Variants in CAMK4 observed in about 807,000 individuals in gnomAD.
The protein encoded by CAMK4 is calcium/calmodulin-dependent protein kinase type IV.
In CAMK4, 22 loss-of-function variants were observed where a neutral mutation model predicts 44.9. That is an observed-to-expected ratio of 0.49 (90% CI 0.35 to 0.70). CAMK4 has a LOEUF of 0.70. Ranked by LOEUF, CAMK4 falls within the 30% of genes least tolerant of loss-of-function variation. CAMK4 has a pLI of 0.01. For missense variants in CAMK4, 498 were observed against 586.8 expected (o/e 0.85, Z 1.56); for synonymous variants, 218 against 215.4 (o/e 1.01, Z -0.11).
At chr5:111,274,532 C>A (rs1285320605) in intron 1 of CAMK4, among the ~76,000 whole-genome samples, 1 of 152,116 alleles carries the variant, frequency 6.6e-6, no homozygotes, top group East Asian at 1.9e-4. Flanking sequence ...TACACTATGA[C>A]AATGCCACAG....
At chr5:111,293,575 C>T (rs1286797533) in intron 1 of CAMK4, among the ~76,000 whole-genome samples, 1 of 151,322 alleles carries the variant, frequency 6.6e-6, no homozygotes, top group African/African-American at 2.4e-5. Flanking sequence ...TACAAGCACC[C>T]GCCACCACGT....
chr5:111,233,468 GT>G (rs142894521), intron 1 of CAMK4, among the ~76,000 whole-genome samples: 29,564 of 152,038 alleles, frequency 0.19, 3,651 homozygotes, highest in Non-Finnish European at 0.28. Context: ...TTCACATAAT[GT>G]TTGTGAAAAT....
intron 1 of CAMK4, among the ~76,000 whole-genome samples, chr5:111,324,178 T>G (rs904680020): frequency 2.0e-4 from 30 of 151,824 alleles, no homozygotes; most frequent in Non-Finnish European, 2.9e-5. Context: ...AATGAAACAA[T>G]TTTTTAAAAT....
At chr5:111,479,228 T>G (rs1755348365) in intron 9 of CAMK4, among the ~76,000 whole-genome samples, 1 of 152,186 alleles carries the variant, frequency 6.6e-6, no homozygotes, top group African/African-American at 2.4e-5. Flanking sequence ...TTCATCAAAT[T>G]TATTAAAATA....
At chr5:111,469,144 CAAAAAAAAAAAAAAAAA>C (rs1176120789) in intron 7 of CAMK4, among the ~76,000 whole-genome samples, 2 of 67,494 alleles carry the variant, frequency 3.0e-5, no homozygotes, top group African/African-American at 1.3e-4. Context: ...AACTCCATCT[CAAAAAAAAAAAAAAAAA>C]AAAAAAAAAA....
intron 1 of CAMK4, among the ~76,000 whole-genome samples, chr5:111,260,063 A>G (rs1345797815): frequency 2.0e-5 from 3 of 152,220 alleles, no homozygotes; most frequent in Non-Finnish European, 4.4e-5. Flanking sequence ...CATAAATAAT[A>G]GCCGAAAAGA....
rs372917281 is a variant in CAMK4, at chr5:111,238,656, C to T, written c.161+14012C>T. Among the ~76,000 whole-genome samples, 4 of 150,722 alleles carry T rather than the reference C, an allele frequency of 2.7e-5. No homozygotes were observed. In the East Asian group the frequency reaches 5.8e-4, roughly 22 times the overall value. ...CCCCCATTTGGCACCTGTCTGACGT[C>T]GCAGTTTGAGGAGTGATCTGCTCTT... On this transcript the variant is annotated intron_variant, in intron 1 of 10. Coordinates refer to ENST00000282356, the MANE Select transcript of CAMK4 (RefSeq NM_001744.6).
intron 2 of CAMK4, among the ~76,000 whole-genome samples, chr5:111,366,909 T>C (rs388944): frequency 0.91 from 138,110 of 151,734 alleles, 62,957 homozygotes; most frequent in East Asian, 1. Context: ...CATTAGAATA[T>C]TTAGGGCCGT....
intron 2 of CAMK4, among the ~76,000 whole-genome samples, chr5:111,373,484 G>A (rs1393151126): frequency 2.0e-5 from 3 of 152,022 alleles, no homozygotes; most frequent in Admixed American, 6.6e-5. Context: ...AAATTTTTTT[G>A]AGTATTCATT....
chr5:111,366,973 C>T (rs1750815971), intron 2 of CAMK4, among the ~76,000 whole-genome samples: 1 of 151,610 alleles, frequency 6.6e-6, no homozygotes, highest in Non-Finnish European at 1.5e-5. Context: ...GTGCCCAATC[C>T]ATTTGATGGC....
intron 1 of CAMK4, among the ~76,000 whole-genome samples, chr5:111,263,326 A>C (rs1750078934): frequency 1.3e-5 from 2 of 152,362 alleles, no homozygotes; most frequent in South Asian, 2.1e-4. Flanking sequence ...GGATGGAATG[A>C]GGAAAATGAA....
chr5:111,416,073 A>G (rs1752804323), intron 5 of CAMK4, among the ~76,000 whole-genome samples: 1 of 152,228 alleles, frequency 6.6e-6, no homozygotes, highest in East Asian at 1.9e-4. Context: ...AAAGGCATCT[A>G]CATGAATAGA....
At chr5:111,403,626 A>G (rs1752310350) in intron 5 of CAMK4, among the ~76,000 whole-genome samples, 1 of 152,180 alleles carries the variant, frequency 6.6e-6, no homozygotes, top group African/African-American at 2.4e-5. Context: ...ATTTTGATTT[A>G]TAGACATAGA....
chr5:111,284,039 A>G (rs1281851413), intron 1 of CAMK4, among the ~76,000 whole-genome samples: 1 of 152,228 alleles, frequency 6.6e-6, no homozygotes, highest in Non-Finnish European at 1.5e-5. Flanking sequence ...GTGAAACTTT[A>G]TTACGTAATT....
chr5:111,480,901 A>G (rs1755413495), intron 9 of CAMK4, among the ~76,000 whole-genome samples: 1 of 152,150 alleles, frequency 6.6e-6, no homozygotes, highest in South Asian at 2.1e-4. Context: ...TTGTTAGTTT[A>G]TCACTGCTTA....
chr5:111,341,187 G>A (rs968727066), intron 1 of CAMK4, among the ~76,000 whole-genome samples: 1 of 151,202 alleles, frequency 6.6e-6, no homozygotes, highest in Non-Finnish European at 1.5e-5. Context: ...CTTTCAAAGA[G>A]CAGACATTCT....
At position 111,484,609 on chromosome 5, in the gene CAMK4, T is replaced by A. The variant is rs111502718; in HGVS notation, c.*143T>A. The A allele has an allele frequency of 0.014, 6,496 of 452,960 alleles. 79 individuals carry two copies. The highest frequency in any genetic ancestry group is 0.021 in the Middle Eastern group (39 of 1,836). 28.1% of individuals were successfully genotyped at this position (452,960 alleles called of 1,614,324 possible). The stretch of plus-strand genomic sequence containing the variant: ...ACATACATATATACCAGTTGGTAAT[T>A]CTAACTTCAATGCATGTGACTGCTT... On this transcript the variant is annotated 3_prime_UTR_variant, in exon 11 of 11. Coordinates refer to ENST00000282356, the MANE Select transcript of CAMK4 (RefSeq NM_001744.6). This position sits in a 1 kb window ranked among gnomAD's most constrained non-coding sequence, Gnocchi z 5.3.
At chr5:111,245,214 A>G (rs1002874122) in intron 1 of CAMK4, among the ~76,000 whole-genome samples, 3 of 152,278 alleles carry the variant, frequency 2.0e-5, no homozygotes, top group East Asian at 1.9e-4. Context: ...CTTAATTTCA[A>G]TTAATACTGC....
chr5:111,420,003 G>T (rs1425992124), intron 5 of CAMK4, among the ~76,000 whole-genome samples: 2 of 151,988 alleles, frequency 1.3e-5, no homozygotes, highest in Non-Finnish European at 2.9e-5. Context: ...AGCTTGATGG[G>T]GTGGCATTGA....
Sources: allele counts gnomAD v4.1 joint callset (sites outside exome capture counted in the v4.1 genomes callset), GRCh38; gene constraint gnomAD v4.1.1; non-coding constraint Gnocchi (gnomAD v3.1); transcripts MANE v1.5; gene names NCBI Gene and HGNC (gene_info 2026-07-23, HGNC 2026-07-21).